The following FGGY variants were observed in gnomAD, a reference collection of about 807,000 sequenced individuals.
The protein encoded by FGGY is FGGY carbohydrate kinase domain containing.
FGGY carries 72 observed loss-of-function variants against 71.3 expected under a neutral mutation model. The observed-to-expected ratio is 1.01, with a 90% CI of 0.84 to 1.23. The LOEUF (loss-of-function observed/expected upper bound fraction) is 1.23. Ranked by LOEUF, FGGY falls within the 50% of genes most tolerant of loss-of-function variation. FGGY has a pLI of 0.00. For missense variants in FGGY, 668 were observed against 682.3 expected, an observed-to-expected ratio of 0.98 and a Z score of 0.23; for synonymous variants, 251 against 250.3, an observed-to-expected ratio of 1.00 and a Z score of -0.02.
chr1:59,653,603 G>A (rs1173104017), intron 11 of FGGY, among the ~76,000 whole-genome samples: 2 of 152,348 alleles, frequency 1.3e-5, no homozygotes, highest in East Asian at 1.9e-4. Context: ...GCCTCGCCCT[G>A]CTTCGGCTTG....
intron 14 of FGGY, among the ~76,000 whole-genome samples, chr1:59,724,750 A>G (rs959554069): frequency 2.6e-5 from 4 of 152,182 alleles, no homozygotes; most frequent in African/African-American, 9.7e-5. Flanking sequence ...GTGTCTTTAT[A>G]TATATTATGT....
At chr1:59,545,499 C>T (rs913268436) in intron 7 of FGGY, among the ~76,000 whole-genome samples, 1 of 152,074 alleles carries the variant, frequency 6.6e-6, no homozygotes, top group Non-Finnish European at 1.5e-5. Context: ...ATGATAATGT[C>T]CAAGTAATCT....
chr1:59,639,492 C>T (rs564801195), intron 11 of FGGY, among the ~76,000 whole-genome samples: 29 of 152,184 alleles, frequency 1.9e-4, no homozygotes, highest in African/African-American at 7.0e-4. Flanking sequence ...TTTATAGAGG[C>T]AGAAGAATAA....
chr1:59,542,584 G>T (rs1443509376), intron 7 of FGGY, among the ~76,000 whole-genome samples: 2 of 148,950 alleles, frequency 1.3e-5, no homozygotes, highest in Non-Finnish European at 3.0e-5. Flanking sequence ...AGCGTCCCGA[G>T]TACCTGGGAT....
chr1:59,524,919 C>T (rs553233075), intron 7 of FGGY, among the ~76,000 whole-genome samples: 16 of 152,370 alleles, frequency 1.1e-4, no homozygotes, highest in South Asian at 2.1e-4. Context: ...CACATCCCTC[C>T]GGCTCACTCG....
chr1:59,430,426 A>C (rs750470674), intron 5 of FGGY, among the ~76,000 whole-genome samples: 2 of 152,148 alleles, frequency 1.3e-5, no homozygotes, highest in Non-Finnish European at 2.9e-5. Context: ...GAGACATTTC[A>C]TATTACACTG....
intron 8 of FGGY, among the ~76,000 whole-genome samples, chr1:59,560,793 G>A (rs182935867): frequency 9.9e-5 from 15 of 152,256 alleles, no homozygotes; most frequent in Admixed American, 3.9e-4. Flanking sequence ...GCTGGAGTGT[G>A]GTGGAAGTAG....
Position 59,491,606 on chromosome 1 carries a change from G to C in FGGY, c.671-20705G>C, listed in dbSNP as rs1424519890. On this transcript the variant is annotated intron_variant, in intron 6 of 15. Coordinates refer to ENST00000303721, the MANE Select transcript of FGGY (RefSeq NM_018291.5). ...GTTGATCAATTCTAAGAGTTTTTTT[G>C]GTAGAATGTTTAGGTTTCTCTATAT... is the stretch of plus-strand genomic sequence containing the variant. Among the ~76,000 whole-genome samples, 5 of 151,326 alleles carry C rather than the reference G, an allele frequency of 3.3e-5. 1 individual carries two copies.
At chr1:59,453,745 C>T (rs1382021403) in intron 5 of FGGY, among the ~76,000 whole-genome samples, 1 of 152,126 alleles carries the variant, frequency 6.6e-6, no homozygotes, top group Non-Finnish European at 1.5e-5. Flanking sequence ...GAGGCTCAGA[C>T]TCGGAACTGG....
At chr1:59,613,587 A>G (rs973612085) in intron 9 of FGGY, among the ~76,000 whole-genome samples, 3 of 152,218 alleles carry the variant, frequency 2.0e-5, no homozygotes, top group African/African-American at 7.2e-5. Context: ...AATTAAAAGA[A>G]CTAGAGAAGC....
intron 10 of FGGY, among the ~76,000 whole-genome samples, chr1:59,628,476 G>C (rs2096879369): frequency 6.6e-6 from 1 of 152,186 alleles, no homozygotes; most frequent in Non-Finnish European, 1.5e-5. Context: ...TATAATCATG[G>C]ATTCAACTCT....
Position 59,373,057 on chromosome 1 carries a change from C to T in FGGY, c.466-5692C>T, listed in dbSNP as rs151059985. Reference sequence around the variant, plus strand: ...TCAACATAGTGTTGGAAGTTCTGGCCAGGGCAATTAGGCAGGAGAAGGAAA... The same window carrying T: ...TCAACATAGTGTTGGAAGTTCTGGCTAGGGCAATTAGGCAGGAGAAGGAAA... On this transcript the variant is annotated intron_variant, in intron 4 of 15. Coordinates refer to ENST00000303721, the MANE Select transcript of FGGY (RefSeq NM_018291.5). 2.0e-5 allele frequency among the ~76,000 whole-genome samples: 3 copies of T among 152,122 alleles called. No individual in the cohort carries two copies. The South Asian group carries it at 6.2e-4, about 32-fold the overall frequency.
At chr1:59,692,179 T>C (rs889232899) in intron 14 of FGGY, among the ~76,000 whole-genome samples, 1 of 152,230 alleles carries the variant, frequency 6.6e-6, no homozygotes, top group Non-Finnish European at 1.5e-5. Flanking sequence ...GAATTGTTGA[T>C]ACATGAATGG....
chr1:59,440,836 G>A (rs1445283763), intron 5 of FGGY, among the ~76,000 whole-genome samples: 1 of 151,574 alleles, frequency 6.6e-6, no homozygotes, highest in Non-Finnish European at 1.5e-5. Context: ...TAAGAAAGGT[G>A]AAGGTGTTTC....
intron 10 of FGGY, among the ~76,000 whole-genome samples, chr1:59,635,030 G>A (rs2096943514): frequency 6.6e-6 from 1 of 152,170 alleles, no homozygotes; most frequent in Non-Finnish European, 1.5e-5. Context: ...ATCCACTTGG[G>A]ATCACAGTTA....
In FGGY at chr1:59,619,230, G is replaced by A. The variant is rs118087969; in HGVS notation, c.1012-6758G>A. On this transcript the variant is annotated intron_variant, in intron 9 of 15. Coordinates refer to ENST00000303721, the MANE Select transcript of FGGY (RefSeq NM_018291.5). ...CTATATTTGAGGTACTGTTCTGAGT[G>A]AGAAAGTAGCAGTGAGTAAAACAGC... Among the ~76,000 whole-genome samples, 58 of 152,166 alleles carry A rather than the reference G, an allele frequency of 3.8e-4. No individual in the cohort carries two copies. In the East Asian group the frequency reaches 0.01, roughly 26 times the overall value.
chr1:59,533,407 T>C (rs1038105664), intron 7 of FGGY, among the ~76,000 whole-genome samples: 3 of 152,188 alleles, frequency 2.0e-5, no homozygotes, highest in African/African-American at 7.2e-5. Context: ...ACTGCAAGGC[T>C]GCAGCGAGGC....
chr1:59,325,375 C>A (rs867132416), intron 2 of FGGY, among the ~76,000 whole-genome samples: 1 of 151,980 alleles, frequency 6.6e-6, no homozygotes, highest in African/African-American at 2.4e-5. Flanking sequence ...GCAACAACAA[C>A]AACAACAACA....
chr1:59,447,769 T>G (rs1290887105), intron 5 of FGGY, among the ~76,000 whole-genome samples: 1 of 152,204 alleles, frequency 6.6e-6, no homozygotes, highest in Non-Finnish European at 1.5e-5. Context: ...TGGTGTGGCC[T>G]CCCCAGCCAC....
Sources: allele counts gnomAD v4.1 joint callset (sites outside exome capture counted in the v4.1 genomes callset), GRCh38; gene constraint gnomAD v4.1.1; transcripts MANE v1.5; gene names NCBI Gene and HGNC (gene_info 2026-07-23, HGNC 2026-07-21).